SLC18A1: variants seen among roughly 807,000 people sequenced by gnomAD.
The protein encoded by SLC18A1 is solute carrier family 18 member A1.
In SLC18A1, 69 loss-of-function variants were observed where a neutral mutation model predicts 53.7. That is an observed-to-expected ratio of 1.28 (90% CI 1.06 to 1.57). The LOEUF is 1.57. SLC18A1 is among the 40% of genes most tolerant of loss of function. The pLI is 0.00. For missense variants in SLC18A1, 932 were observed against 668.1 expected, an observed-to-expected ratio of 1.40 and a Z score of -4.35; for synonymous variants, 320 against 248.1, an observed-to-expected ratio of 1.29 and a Z score of -2.72.
intron 10 of SLC18A1, among the ~76,000 whole-genome samples, chr8:20,158,324 A>C (rs1358712529): frequency 6.6e-6 from 1 of 152,110 alleles, no homozygotes; most frequent in Non-Finnish European, 1.5e-5. Context: ...CTCTTTTCAC[A>C]TGCCTTTCTA....
intron 4 of SLC18A1, chr8:20,175,198 A>G (rs2072225684): frequency 6.6e-6 from 1 of 152,200 alleles, no homozygotes. Flanking sequence ...AGTCAGACCT[A>G]ATGGTTATCT....
intron 12 of SLC18A1, 108 bp from the exon 13 acceptor site, chr8:20,148,178 C>A: frequency 1.1e-6 from 1 of 904,358 alleles, no homozygotes; most frequent in South Asian, 1.4e-5. Flanking sequence ...CACTATTGGC[C>A]ACATACATCA....
intron 10 of SLC18A1, among the ~76,000 whole-genome samples, chr8:20,156,088 C>A (rs77113276): frequency 6.6e-6 from 1 of 152,064 alleles, no homozygotes; most frequent in Non-Finnish European, 1.5e-5. Flanking sequence ...ACTGGGCCTG[C>A]GACAACATAA....
intron 6 of SLC18A1, among the ~76,000 whole-genome samples, 156 bp from the exon 7 acceptor site, chr8:20,171,650 G>C (rs2072120130): frequency 1.3e-5 from 2 of 151,954 alleles, no homozygotes; most frequent in Admixed American, 1.3e-4. Context: ...CATGATCCCT[G>C]TCCCCATCAA....
chr8:20,156,562 T>A (rs1020761363), intron 10 of SLC18A1, among the ~76,000 whole-genome samples: 34 of 152,298 alleles, frequency 2.2e-4, no homozygotes, highest in African/African-American at 7.5e-4. Context: ...GCCTAATAAT[T>A]GGTCTGCTCA....
chr8:20,153,857 A>C (rs903730847), intron 10 of SLC18A1, among the ~76,000 whole-genome samples: 11 of 152,208 alleles, frequency 7.2e-5, no homozygotes, highest in African/African-American at 2.7e-4. Flanking sequence ...ATTAATACTG[A>C]CATCAAGGTG....
rs1323298471 is a variant in SLC18A1 at position 20,145,631 on chromosome 8, G to A, written c.*132C>T. 3.6e-6 allele frequency: 2 copies of A among 552,312 alleles called. No homozygotes were observed. Among genetic ancestry groups the A allele is most frequent in the African/African-American group, 3.9e-5 (2 of 51,926 alleles). The allele number at this position is 552,312 out of a possible 1,614,324, so 34.2% of individuals were successfully genotyped here. On this transcript the variant is annotated 3_prime_UTR_variant, in exon 16 of 16. Transcript: ENST00000276373. ...AGAGTATCAGGGACAGTGTCCATGG[G>A]AGGGGAGGAAAGAAGATTCCCAGGC...
At chr8:20,171,703 TGCGC>T (rs71222136) in intron 6 of SLC18A1, among the ~76,000 whole-genome samples, 1 of 146,752 alleles carries the variant, frequency 6.8e-6, no homozygotes, top group African/African-American at 2.7e-5. Flanking sequence ...TGTGTGTGTG[TGCGC>T]GCGCGTGTGT....
intron 15 of SLC18A1, 44 bp from the exon 16 acceptor site, chr8:20,145,920 A>ATTTTT: frequency 1.1e-6 from 1 of 938,736 alleles, no homozygotes; most frequent in East Asian, 3.1e-5. Flanking sequence ...CATTATTATC[A>ATTTTT]TTTTTTTTTT....
rs2072417340 is a variant in SLC18A1, at chr8:20,181,056, G to T, written c.-92C>A. On this transcript the variant is annotated 5_prime_UTR_variant, in exon 2 of 16. Coordinates refer to ENST00000276373, the MANE Select transcript of SLC18A1 (RefSeq NM_003053.4). ...GTCTCCTGCAGCCTTTATGGAAGAG[G>T]GGAGGGAGTCTGCCCAGACGAAGGA... 1 of 1,452,654 alleles carries T rather than the reference G, an allele frequency of 6.9e-7. No individual in the cohort carries two copies. The highest frequency in any genetic ancestry group is 9.2e-7 in the Non-Finnish European group (1 of 1,087,230). The allele number at this position is 1,452,654 out of a possible 1,614,324, so 90.0% of individuals were successfully genotyped here. A position where few individuals can be genotyped will look rare whatever the true frequency, so the allele number is the denominator to read the frequency against.
At position 20,148,797 on chromosome 8, in the gene SLC18A1, A is replaced by T. The variant is rs576890885; in HGVS notation, c.1147-727T>A. On this transcript the variant is annotated intron_variant, in intron 12 of 15. Coordinates refer to ENST00000276373, the MANE Select transcript of SLC18A1 (RefSeq NM_003053.4). ...TGGCTGATAACAATTTTTAGGGTTC[A>T]TGCCTCAAGAAATGTTTATAAATTA... Among the ~76,000 whole-genome samples, 45 of 152,310 alleles carry T rather than the reference A, an allele frequency of 3.0e-4. 1 individual carries two copies. The highest frequency in any genetic ancestry group is 1.0e-3 in the African/African-American group (43 of 41,578).
chr8:20,159,249 C>T (rs909306474), intron 10 of SLC18A1, among the ~76,000 whole-genome samples: 24 of 152,074 alleles, frequency 1.6e-4, no homozygotes, highest in Non-Finnish European at 1.2e-4. Context: ...GCAGTTAGAG[C>T]GGTCATCAGC....
chr8:20,157,526 C>G (rs1423499462), intron 10 of SLC18A1, among the ~76,000 whole-genome samples: 1 of 152,172 alleles, frequency 6.6e-6, no homozygotes, highest in African/African-American at 2.4e-5. Flanking sequence ...CTATGAATTA[C>G]TCAGTGATAT....
chr8:20,171,560 A>G (rs192573819), intron 6 of SLC18A1, 66 bp from the exon 7 acceptor site: 7 of 1,281,806 alleles, frequency 5.5e-6, no homozygotes, highest in Middle Eastern at 1.8e-4. Flanking sequence ...AGAATTATCC[A>G]TATTTACCCC....
rs750159332 is a variant in SLC18A1 at position 20,147,667 on chromosome 8, G to A, written c.1266C>T (p.His422=). Residue 422 remains histidine (H), a synonymous_variant, in exon 14 of 16, where the codon CAC becomes CAT. Coordinates refer to ENST00000276373, the MANE Select transcript of SLC18A1 (RefSeq NM_003053.4). ...CGTAGACACTCCCATACACCGAGGT[G>A]TGGCGTAGATCCACCAGGTGCCCCA... ...PIMGHLVDLR[H]TSVYGSVYAI... The A allele has an allele frequency of 9.9e-6, 16 of 1,613,918 alleles. No homozygotes were observed. Among genetic ancestry groups the A allele is most frequent in the Non-Finnish European group, 1.3e-5 (15 of 1,179,976 alleles).
intron 5 of SLC18A1, among the ~76,000 whole-genome samples, chr8:20,173,895 C>CTTTTT (rs72376505): frequency 3.7e-5 from 5 of 135,644 alleles, no homozygotes; most frequent in African/African-American, 8.6e-5. Flanking sequence ...TAATTCCTTT[C>CTTTTT]TTTTTTTTTT....
intron 1 of SLC18A1, among the ~76,000 whole-genome samples, chr8:20,181,448 T>C (rs2072426831): frequency 6.6e-6 from 1 of 152,116 alleles, no homozygotes; most frequent in African/African-American, 2.4e-5. Context: ...ATCCACTCTT[T>C]TAAAATATTG....
At position 20,153,415 on chromosome 8, in the gene SLC18A1, C is replaced by T. The variant is rs554640928; in HGVS notation, c.1016-2671G>A. ...AGGACAGGCTGGGCGCTGTGGCTCA[C>T]GCCTGTAATCCCAGCACTTTGGGAG... On this transcript the variant is annotated intron_variant, in intron 10 of 15. Transcript: ENST00000276373. Among the ~76,000 whole-genome samples, 8 of 151,978 alleles carry T rather than the reference C, an allele frequency of 5.3e-5. No homozygotes were observed. In the South Asian group the frequency reaches 6.2e-4, roughly 12 times the overall value.
In SLC18A1 at chr8:20,150,652, C is replaced by G. The variant is rs1585191067; in HGVS notation, c.1094+14G>C. The stretch of plus-strand genomic sequence containing the variant: ...ACATTTCTACTGTTCGTCCCAGATC[C>G]CGAGGCTACATACCGACCCATCTTG... On this transcript the variant is annotated intron_variant, in intron 11 of 15. Transcript: ENST00000276373. The G allele has an allele frequency of 6.2e-7, 1 of 1,611,928 alleles. No individual in the cohort carries two copies. The highest frequency in any genetic ancestry group is 8.5e-7 in the Non-Finnish European group (1 of 1,178,042).
Sources: allele counts gnomAD v4.1 joint callset (sites outside exome capture counted in the v4.1 genomes callset), GRCh38; gene constraint gnomAD v4.1.1; transcripts MANE v1.5; gene names NCBI Gene and HGNC (gene_info 2026-07-23, HGNC 2026-07-21).